Variants in SLC7A2 observed in about 807,000 individuals in gnomAD.
SLC7A2 encodes solute carrier family 7 member 2.
A neutral mutation model predicts 58.9 loss-of-function variants in SLC7A2; 48 were observed. The observed-to-expected ratio is 0.82, with a 90% confidence interval of 0.65 to 1.04. The LOEUF is 1.04. Among genes scored for constraint, SLC7A2 ranks in the 50% least tolerant of loss-of-function variants. The pLI is 0.00. For missense variants in SLC7A2, 1,029 were observed against 818.8 expected (o/e 1.26, Z -3.13); for synonymous variants, 363 against 314.5 (o/e 1.15, Z -1.63).
At chr8:17,523,402 G>T (rs904972536) in intron 2 of SLC7A2, among the ~76,000 whole-genome samples, 1 of 152,134 alleles carries the variant, frequency 6.6e-6, no homozygotes, top group African/African-American at 2.4e-5. Context: ...GCATGGTATT[G>T]GTATAAGAAT....
intron 2 of SLC7A2, among the ~76,000 whole-genome samples, chr8:17,505,173 A>G (rs994922860): frequency 6.6e-6 from 1 of 151,068 alleles, no homozygotes; most frequent in African/African-American, 2.4e-5. Context: ...CCCTCTGGCA[A>G]TTTTGTGTAA....
At chr8:17,541,201 A>G (rs1249952422) in intron 2 of SLC7A2, among the ~76,000 whole-genome samples, 1 of 152,110 alleles carries the variant, frequency 6.6e-6, no homozygotes, top group Non-Finnish European at 1.5e-5. Flanking sequence ...TACCTTTCCC[A>G]TCCCTCCTGG....
intron 2 of SLC7A2, 50 bp from the exon 3 acceptor site, chr8:17,543,266 AGG>A: frequency 1.2e-5 from 18 of 1,523,970 alleles, no homozygotes; most frequent in Non-Finnish European, 1.6e-5. Flanking sequence ...AGGTTACCAA[AGG>A]GAGGGATGAC....
At chr8:17,521,282 C>G (rs1163883173) in intron 2 of SLC7A2, among the ~76,000 whole-genome samples, 1 of 152,138 alleles carries the variant, frequency 6.6e-6, no homozygotes, top group Non-Finnish European at 1.5e-5. Context: ...GCTTGGTATA[C>G]TTTGTGTTTT....
Position 17,566,064 on chromosome 8 carries a change from C to T in SLC7A2, c.*918C>T, listed in dbSNP as rs986000196. 22 of 152,280 alleles carry T rather than the reference C, an allele frequency of 1.4e-4. No individual in the cohort carries two copies. Among genetic ancestry groups the T allele is most frequent in the African/African-American group, 4.1e-4 (17 of 41,586 alleles). 9.4% of individuals were successfully genotyped at this position (152,280 alleles called of 1,614,324 possible). A position where few individuals can be genotyped will look rare whatever the true frequency, so the allele number is the denominator to read the frequency against. ...TATGTTTGAAGATCAAAGAGTTAGA[C>T]CAATGCTTGAATAAGTAGACCCCAA... On this transcript the variant is annotated 3_prime_UTR_variant, in exon 13 of 13. Transcript: ENST00000494857.
At chr8:17,560,950 T>C (rs1214237964) in intron 10 of SLC7A2, among the ~76,000 whole-genome samples, 3 of 152,176 alleles carry the variant, frequency 2.0e-5, no homozygotes, top group Non-Finnish European at 4.4e-5. Context: ...ATGACATTTA[T>C]TGAACATTGC....
intron 4 of SLC7A2, 24 bp downstream of exon 4, chr8:17,544,630 C>T (rs760129549): frequency 6.2e-7 from 1 of 1,607,156 alleles, no homozygotes; most frequent in Non-Finnish European, 8.5e-7. Context: ...TTATGAGTCT[C>T]TGCAGAATGA....
rs56192208 is a variant in SLC7A2, at chr8:17,560,863, C to T, written c.1504+330C>T. Among the ~76,000 whole-genome samples, 1,269 of 152,226 alleles carry T rather than the reference C, an allele frequency of 8.3e-3. 18 individuals carry two copies. Among genetic ancestry groups the T allele is most frequent in the African/African-American group, 0.029 (1,202 of 41,532 alleles). ...CCCCTGCCAATAACCTGACTGGAAC[C>T]CGATGGAATTGTCCAATAATATAGA... On this transcript the variant is annotated intron_variant, in intron 10 of 12. Coordinates refer to ENST00000494857, the MANE Select transcript of SLC7A2 (RefSeq NM_001370338.1).
rs1046771364 is a variant in SLC7A2, at chr8:17,570,050, G to T, written c.*4904G>T. The T allele has an allele frequency of 2.6e-5, 4 of 152,154 alleles. No individual in the cohort carries two copies. The highest frequency in any genetic ancestry group is 1.3e-4 in the Admixed American group (2 of 15,276). The allele number at this position is 152,154 out of a possible 1,614,324, so 9.4% of individuals were successfully genotyped here. A position where few individuals can be genotyped will look rare whatever the true frequency, so the allele number is the denominator to read the frequency against. On this transcript the variant is annotated 3_prime_UTR_variant, in exon 13 of 13. Coordinates refer to ENST00000494857, the MANE Select transcript of SLC7A2 (RefSeq NM_001370338.1). ...TATATCAAGATGAATAAGGACCAAG[G>T]GACCTCTGTGACTCATAGAAGGGCT...
At chr8:17,501,689 T>C (rs1465277817) in intron 1 of SLC7A2, among the ~76,000 whole-genome samples, 1 of 152,056 alleles carries the variant, frequency 6.6e-6, no homozygotes, top group East Asian at 1.9e-4. Flanking sequence ...TTTTTCACCG[T>C]ATCCCCATCC....
chr8:17,559,755 C>A (rs1195137935), intron 9 of SLC7A2, among the ~76,000 whole-genome samples: 1 of 152,086 alleles, frequency 6.6e-6, no homozygotes, highest in Non-Finnish European at 1.5e-5. Flanking sequence ...CACAGCCAAA[C>A]CATATCACGG....
chr8:17,543,167 C>A, intron 2 of SLC7A2, 151 bp from the exon 3 acceptor site: 1 of 696,460 alleles, frequency 1.4e-6, no homozygotes, highest in Non-Finnish European at 2.3e-6. Flanking sequence ...CTCTGGGTCA[C>A]TGCATCTCTT....
intron 2 of SLC7A2, among the ~76,000 whole-genome samples, chr8:17,526,781 A>T (rs1268108348): frequency 6.6e-6 from 1 of 152,216 alleles, no homozygotes; most frequent in East Asian, 1.9e-4. Flanking sequence ...AGAAAGCATC[A>T]TGAGTTCACT....
At chr8:17,556,459 G>A (rs954481223) in intron 8 of SLC7A2, among the ~76,000 whole-genome samples, 6 of 151,848 alleles carry the variant, frequency 4.0e-5, no homozygotes, top group African/African-American at 1.5e-4. Flanking sequence ...TTGTGATTTT[G>A]TACTCCCATA....
At chr8:17,501,191 T>G (rs1800145918) in intron 1 of SLC7A2, among the ~76,000 whole-genome samples, 1 of 152,012 alleles carries the variant, frequency 6.6e-6, no homozygotes. Context: ...TTTTTGTAAT[T>G]TTAGTATAGA....
intron 2 of SLC7A2, among the ~76,000 whole-genome samples, chr8:17,516,513 C>T (rs1450822587): frequency 2.6e-5 from 4 of 152,184 alleles, no homozygotes; most frequent in East Asian, 3.9e-4. Flanking sequence ...CGTGAGCCAC[C>T]GCACCTGGCC....
At chr8:17,543,233 T>G in intron 2 of SLC7A2, 85 bp from the exon 3 acceptor site, 3 of 1,177,160 alleles carry the variant, frequency 2.5e-6, no homozygotes, top group Non-Finnish European at 3.6e-6. Flanking sequence ...CACACACACA[T>G]ACTCTAATTG....
chr8:17,562,264 G>A (rs888710421), intron 11 of SLC7A2, among the ~76,000 whole-genome samples, 154 bp downstream of exon 11: 13 of 134,530 alleles, frequency 9.7e-5, no homozygotes, highest in African/African-American at 1.2e-4. Flanking sequence ...GCAATGGAGC[G>A]AAGTGATCTT....
chr8:17,550,734 G>C (rs200212402), intron 6 of SLC7A2, among the ~76,000 whole-genome samples: 1 of 152,176 alleles, frequency 6.6e-6, no homozygotes, highest in East Asian at 1.9e-4. Context: ...ATAAATGTGA[G>C]TCATTATTAC....
Sources: gnomAD v4.1 joint callset for allele counts (sites outside exome capture counted in the v4.1 genomes callset) on GRCh38, gnomAD v4.1.1 for gene constraint, MANE v1.5 for transcripts, NCBI Gene and HGNC (gene_info 2026-07-23, HGNC 2026-07-21) for gene names.